The following TENM4 variants were observed in gnomAD, a reference collection of about 807,000 sequenced individuals.
TENM4 encodes teneurin transmembrane protein 4.
Under a neutral mutation model 243.3 loss-of-function variants are expected in TENM4, and 82 were observed. The observed-to-expected ratio is 0.34, with a 90% confidence interval of 0.28 to 0.40. The LOEUF (loss-of-function observed/expected upper bound fraction) is 0.40, where lower values mean the gene tolerates loss of function less well. TENM4 is among the 10% of genes least tolerant of loss of function. The pLI is 1.00. For missense variants in TENM4, 3,138 were observed against 3,673.3 expected (o/e 0.85, Z 3.77); for synonymous variants, 1,412 against 1,456.3 (o/e 0.97, Z 0.69).
intron 1 of TENM4, among the ~76,000 whole-genome samples, chr11:79,318,037 G>A (rs189415803): frequency 6.6e-6 from 1 of 152,196 alleles, no homozygotes. Flanking sequence ...GAGAAATTCA[G>A]TAAAATTCAG....
intron 1 of TENM4, among the ~76,000 whole-genome samples, chr11:79,388,862 C>T (rs984387823): frequency 5.9e-5 from 9 of 152,074 alleles, no homozygotes; most frequent in East Asian, 1.9e-4. Context: ...AGGAGGACAC[C>T]GGAGCTAAAG....
intron 12 of TENM4, among the ~76,000 whole-genome samples, chr11:78,828,465 T>C (rs373898340): frequency 1.3e-5 from 2 of 152,390 alleles, no homozygotes; most frequent in East Asian, 1.9e-4. Context: ...AATAGCAAGA[T>C]GGATAAATTC....
intron 6 of TENM4, among the ~76,000 whole-genome samples, chr11:78,934,208 G>A (rs1856733493): frequency 6.6e-6 from 1 of 152,160 alleles, no homozygotes; most frequent in South Asian, 2.1e-4. Context: ...TTTGATGCAG[G>A]CTCTGTTTAT....
At chr11:79,359,205 G>T (rs1857549918) in intron 1 of TENM4, among the ~76,000 whole-genome samples, 1 of 152,140 alleles carries the variant, frequency 6.6e-6, no homozygotes, top group Admixed American at 6.6e-5. Context: ...AGTTGAGGTT[G>T]CAGTAAGCTA....
rs184707839 is a variant in TENM4, at chr11:79,133,059, A to G, written c.-66+15651T>C. On this transcript the variant is annotated intron_variant, in intron 4 of 33. Coordinates refer to ENST00000278550, the MANE Select transcript of TENM4 (RefSeq NM_001098816.3). ...AAAAATACAAAAGATAAATGAAACA[A>G]AAAGCTTATTTTTGAAAAGATAAAG... is the stretch of plus-strand genomic sequence containing the variant. Among the ~76,000 whole-genome samples the G allele has an allele frequency of 3.4e-3, 515 of 152,292 alleles. 3 individuals are homozygous for G. Among genetic ancestry groups the G allele is most frequent in the African/African-American group, 0.012 (481 of 41,578 alleles).
chr11:79,079,548 G>C (rs1269326862), intron 4 of TENM4, among the ~76,000 whole-genome samples: 1 of 152,186 alleles, frequency 6.6e-6, no homozygotes, highest in Non-Finnish European at 1.5e-5. Flanking sequence ...AAATGTGTTA[G>C]GCTGGGCACG....
At chr11:78,945,897 G>C (rs940990167) in intron 6 of TENM4, among the ~76,000 whole-genome samples, 2 of 152,196 alleles carry the variant, frequency 1.3e-5, no homozygotes, top group African/African-American at 4.8e-5. Flanking sequence ...AGAGAGACAA[G>C]GAAGCTGTCT....
At chr11:78,734,747 G>A (rs1855748306) in intron 20 of TENM4, among the ~76,000 whole-genome samples, 1 of 152,074 alleles carries the variant, frequency 6.6e-6, no homozygotes, top group African/African-American at 2.4e-5. Flanking sequence ...TGCCCCACAC[G>A]CATGGCATTG....
chr11:78,762,692 G>C (rs924534727), intron 18 of TENM4, among the ~76,000 whole-genome samples: 1 of 152,156 alleles, frequency 6.6e-6, no homozygotes, highest in South Asian at 2.1e-4. Flanking sequence ...CAAATGAGTA[G>C]GGCTTACAGC....
chr11:79,243,058 C>A (rs1398696949), intron 2 of TENM4, among the ~76,000 whole-genome samples: 1 of 152,174 alleles, frequency 6.6e-6, no homozygotes. Context: ...AGTGGATTTC[C>A]ATCCCCCTTT....
intron 26 of TENM4, among the ~76,000 whole-genome samples, chr11:78,712,234 G>A (rs1384116145): frequency 6.6e-6 from 1 of 152,092 alleles, no homozygotes; most frequent in East Asian, 1.9e-4. Flanking sequence ...TGCTTAATGT[G>A]ATCTCATTTT....
chr11:79,346,764 C>G (rs1857332919), intron 1 of TENM4, among the ~76,000 whole-genome samples: 1 of 152,302 alleles, frequency 6.6e-6, no homozygotes, highest in Middle Eastern at 3.4e-3. Context: ...ATCACACTTT[C>G]CTCATCTGTA....
intron 32 of TENM4, among the ~76,000 whole-genome samples, chr11:78,666,050 G>GA (rs1858149719): frequency 1.9e-5 from 2 of 104,014 alleles, no homozygotes; most frequent in Admixed American, 1.7e-4. Flanking sequence ...GGGAAAAAAA[G>GA]AATTTTTTTT....
chr11:79,147,602 C>G (rs1468786203), intron 4 of TENM4, among the ~76,000 whole-genome samples: 3 of 152,068 alleles, frequency 2.0e-5, no homozygotes, highest in Admixed American at 2.0e-4. Flanking sequence ...TCTAGCACCT[C>G]CTATCTTCTC....
chr11:79,001,191 A>T (rs1276353725), intron 6 of TENM4, among the ~76,000 whole-genome samples: 1 of 152,222 alleles, frequency 6.6e-6, no homozygotes, highest in Non-Finnish European at 1.5e-5. Context: ...TGTAAGACAC[A>T]AACAGCTTCA....
chr11:79,016,430 C>T (rs1165932960), intron 6 of TENM4, among the ~76,000 whole-genome samples: 2 of 152,112 alleles, frequency 1.3e-5, no homozygotes, highest in African/African-American at 2.4e-5. Context: ...ACTCCATTTA[C>T]TGAGATGGGG....
At chr11:78,823,076 G>A (rs1001822089) in intron 12 of TENM4, among the ~76,000 whole-genome samples, 8 of 152,194 alleles carry the variant, frequency 5.3e-5, no homozygotes, top group Admixed American at 3.9e-4. Context: ...GTCTCCCAGC[G>A]GTGCCCCGTG....
At chr11:78,832,371 T>A (rs1014378511) in intron 12 of TENM4, among the ~76,000 whole-genome samples, 5 of 152,254 alleles carry the variant, frequency 3.3e-5, no homozygotes, top group Admixed American at 3.3e-4. Flanking sequence ...GAGAAGCTCT[T>A]AGAGGACAGG....
At chr11:79,321,664 A>AAAG (rs1555048301) in intron 1 of TENM4, among the ~76,000 whole-genome samples, 1 of 131,578 alleles carries the variant, frequency 7.6e-6, no homozygotes, top group South Asian at 2.5e-4. Flanking sequence ...AAAAAAAAAA[A>AAAG]GGGAGAGAGA....
Sources: allele counts gnomAD v4.1 joint callset (sites outside exome capture counted in the v4.1 genomes callset), GRCh38; gene constraint gnomAD v4.1.1; transcripts MANE v1.5; gene names NCBI Gene and HGNC (gene_info 2026-07-23, HGNC 2026-07-21).